ARID1B: variants seen among roughly 807,000 people sequenced by gnomAD.
ARID1B encodes AT-rich interactive domain-containing protein 1B.
ARID1B carries 30 observed loss-of-function variants against 212.3 expected under a neutral mutation model. The ratio of observed to expected loss-of-function variants is 0.14; its 90% CI spans 0.11 to 0.19. The LOEUF (loss-of-function observed/expected upper bound fraction) is 0.19. Among genes scored for constraint, ARID1B ranks in the 10% least tolerant of loss-of-function variants. The probability of loss-of-function intolerance (pLI) is 1.00; values close to 1 mark genes in which losing one functional copy is unlikely to be tolerated. For synonymous variants in ARID1B, 1,402 were observed against 1,301.7 expected (o/e 1.08, Z -1.66); for missense variants, 2,891 against 3,204.0 (o/e 0.90, Z 2.36).
At chr6:157,019,164 A>G (rs1436193008) in intron 4 of ARID1B, among the ~76,000 whole-genome samples, 4 of 152,194 alleles carry the variant, frequency 2.6e-5, no homozygotes, top group Admixed American at 2.0e-4. Context: ...GACATGTTCA[A>G]ATCTGTTATC....
chr6:157,067,264 C>T (rs1313695180), intron 4 of ARID1B, among the ~76,000 whole-genome samples: 1 of 152,196 alleles, frequency 6.6e-6, no homozygotes, highest in African/African-American at 2.4e-5. Context: ...GAACCAAGTT[C>T]GAGTCACAAA....
intron 4 of ARID1B, chr6:156,976,410 C>T (rs976868544): frequency 2.3e-5 from 4 of 170,432 alleles, no homozygotes; most frequent in African/African-American, 2.4e-5. Flanking sequence ...ACGGATTATG[C>T]GGGGTGGAGT....
chr6:157,199,214 T>C lies in ARID1B; in HGVS notation c.4479+307T>C, dbSNP rs141776739. Among the ~76,000 whole-genome samples the C allele has an allele frequency of 6.6e-3, 1,012 of 152,352 alleles. 10 individuals are homozygous for C. Among genetic ancestry groups the C allele is most frequent in the African/African-American group, 0.023 (974 of 41,584 alleles). On this transcript the variant is annotated intron_variant, in intron 17 of 19. Coordinates refer to ENST00000636930, the MANE Select transcript of ARID1B (RefSeq NM_001374828.1). ...TAGTATATTTTAAACATGTATCTAT[T>C]GTGCATACTGTTGTATCAGAAGCCA...
At chr6:156,796,335 A>G (rs1035434741) in intron 1 of ARID1B, among the ~76,000 whole-genome samples, 2 of 152,226 alleles carry the variant, frequency 1.3e-5, no homozygotes, top group Admixed American at 6.5e-5. Context: ...ACAGGAAGAA[A>G]AAAACAACAA....
intron 2 of ARID1B, among the ~76,000 whole-genome samples, chr6:156,868,439 G>A (rs1785870184): frequency 6.6e-6 from 1 of 152,206 alleles, no homozygotes; most frequent in South Asian, 2.1e-4. Context: ...CATAAACTGG[G>A]TGGCTTATAA....
intron 5 of ARID1B, among the ~76,000 whole-genome samples, chr6:157,100,921 A>G (rs973512285): frequency 2.0e-5 from 3 of 152,246 alleles, no homozygotes; most frequent in African/African-American, 4.8e-5. Context: ...GTAAGAAGTT[A>G]TAGTGTAATT....
At chr6:156,953,735 A>G (rs1457541688) in intron 4 of ARID1B, among the ~76,000 whole-genome samples, 1 of 152,192 alleles carries the variant, frequency 6.6e-6, no homozygotes, top group Admixed American at 6.5e-5. Context: ...CTGAAATTAC[A>G]TCTTTGTCTT....
intron 7 of ARID1B, among the ~76,000 whole-genome samples, chr6:157,142,575 G>A (rs567090584): frequency 1.4e-4 from 21 of 152,182 alleles, no homozygotes; most frequent in Admixed American, 3.9e-4. Context: ...GCAGTGAGCC[G>A]GGATCACGTC....
intron 4 of ARID1B, among the ~76,000 whole-genome samples, chr6:156,982,394 G>T (rs1475975040): frequency 6.7e-6 from 1 of 149,320 alleles, no homozygotes; most frequent in Non-Finnish European, 1.5e-5. Flanking sequence ...CGCCTGTGAT[G>T]CCCGAAATAG....
intron 1 of ARID1B, among the ~76,000 whole-genome samples, chr6:156,791,072 T>G (rs1779979394): frequency 6.6e-6 from 1 of 152,234 alleles, no homozygotes. Context: ...ATATGCTTTT[T>G]TAGTCTAAAT....
chr6:156,936,631 G>T (rs1792245916), intron 4 of ARID1B: 1 of 138,516 alleles, frequency 7.2e-6, no homozygotes, highest in Non-Finnish European at 1.5e-5. Flanking sequence ...CTGCACTCCA[G>T]TCTGGGAAAC....
chr6:157,057,312 A>T (rs1315837123), intron 4 of ARID1B, among the ~76,000 whole-genome samples: 1 of 152,122 alleles, frequency 6.6e-6, no homozygotes, highest in Admixed American at 6.6e-5. Context: ...AAATAATTAT[A>T]TATTTTTCTC....
At chr6:156,890,432 A>C (rs1361945696) in intron 2 of ARID1B, among the ~76,000 whole-genome samples, 1 of 152,272 alleles carries the variant, frequency 6.6e-6, no homozygotes, top group African/African-American at 2.4e-5. Context: ...TTCCCAAATC[A>C]AAAAAGGTAA....
intron 16 of ARID1B, 23 bp from the exon 17 acceptor site, chr6:157,198,788 T>G (rs1212452615): frequency 7.6e-6 from 12 of 1,583,360 alleles, no homozygotes; most frequent in Non-Finnish European, 1.0e-5. Flanking sequence ...TCAGTTAAGT[T>G]TTCTTTGAAT....
chr6:157,120,994 T>A (rs1787672955), intron 6 of ARID1B, among the ~76,000 whole-genome samples: 2 of 152,210 alleles, frequency 1.3e-5, no homozygotes, highest in Non-Finnish European at 2.9e-5. Flanking sequence ...TGACTTGGGT[T>A]TCATGCTTGA....
chr6:157,155,491 A>G (rs1468785551), intron 8 of ARID1B, among the ~76,000 whole-genome samples: 2 of 152,172 alleles, frequency 1.3e-5, no homozygotes, highest in African/African-American at 4.8e-5. Flanking sequence ...AAAAAAAAAA[A>G]AGGGTAAAAT....
intron 3 of ARID1B, among the ~76,000 whole-genome samples, chr6:156,922,390 C>G (rs1790883439): frequency 6.6e-6 from 1 of 152,048 alleles, no homozygotes. Context: ...ACAGGCTGGT[C>G]TCGAACTCCT....
At chr6:157,106,612 G>C (rs1005022709) in intron 5 of ARID1B, among the ~76,000 whole-genome samples, 5 of 152,324 alleles carry the variant, frequency 3.3e-5, no homozygotes, top group Admixed American at 3.3e-4. Flanking sequence ...TGATTAGGGA[G>C]TTTAATTATA....
At chr6:157,003,341 T>A (rs1684075129) in intron 4 of ARID1B, among the ~76,000 whole-genome samples, 1 of 152,096 alleles carries the variant, frequency 6.6e-6, no homozygotes. Context: ...TGAGGGAGCA[T>A]CATGTGAATG....
Sources: allele counts gnomAD v4.1 joint callset (sites outside exome capture counted in the v4.1 genomes callset), GRCh38; gene constraint gnomAD v4.1.1; transcripts MANE v1.5; gene names NCBI Gene and HGNC (gene_info 2026-07-23, HGNC 2026-07-21).